IL1RAP: variants seen among roughly 807,000 people sequenced by gnomAD.
The protein encoded by IL1RAP is interleukin 1 receptor accessory protein, also known as interleukin-1 receptor accessory protein.
In IL1RAP, 35 loss-of-function variants were observed where a neutral mutation model predicts 60.7. The observed-to-expected ratio is 0.58, with a 90% CI of 0.44 to 0.76. The LOEUF is 0.76. Among genes scored for constraint, IL1RAP ranks in the 30% least tolerant of loss-of-function variants. IL1RAP has a pLI of 0.00. For missense variants in IL1RAP, 572 were observed against 693.9 expected, an observed-to-expected ratio of 0.82 and a Z score of 1.97; for synonymous variants, 268 against 250.9, an observed-to-expected ratio of 1.07 and a Z score of -0.64.
intron 1 of IL1RAP, among the ~76,000 whole-genome samples, chr3:190,532,302 G>A (rs1262004950): frequency 1.5e-5 from 2 of 134,664 alleles, no homozygotes; most frequent in Non-Finnish European, 3.1e-5. Flanking sequence ...TTGCTCTGTC[G>A]CCCAGGCTGG....
At position 190,572,926 on chromosome 3, in the gene IL1RAP, G is replaced by T. The variant is rs1403632343; in HGVS notation, c.64+8573G>T. ...TCGCCCAGGCTGGAGTGCAGTGGCG[G>T]GATCTCGGCTCACTGCAAGCTCCGC... On this transcript the variant is annotated intron_variant, in intron 3 of 11. Coordinates refer to ENST00000447382, the MANE Select transcript of IL1RAP (RefSeq NM_002182.4). Among the ~76,000 whole-genome samples the T allele has an allele frequency of 4.1e-4, 18 of 43,822 alleles. 4 individuals are homozygous for T. The highest frequency in any genetic ancestry group is 7.5e-4 in the Non-Finnish European group (15 of 20,120). 28.7% of individuals were successfully genotyped at this position (43,822 alleles called of 152,430 possible). A position where few individuals can be genotyped will look rare whatever the true frequency, so the allele number is the denominator to read the frequency against.
intron 2 of IL1RAP, among the ~76,000 whole-genome samples, chr3:190,556,802 A>G (rs991807125): frequency 1.3e-5 from 2 of 152,324 alleles, no homozygotes; most frequent in African/African-American, 4.8e-5. Flanking sequence ...CTACTACTCC[A>G]TAGTTCCTCA....
intron 3 of IL1RAP, among the ~76,000 whole-genome samples, chr3:190,598,944 G>A (rs1036137477): frequency 4.6e-5 from 7 of 152,076 alleles, no homozygotes; most frequent in African/African-American, 1.7e-4. Context: ...GTTATTAACT[G>A]CATTGCTTTT....
At chr3:190,627,476 A>ATACC (rs748001360) in intron 8 of IL1RAP, 27 bp downstream of exon 8, 15 of 1,599,132 alleles carry the variant, frequency 9.4e-6, no homozygotes, top group Admixed American at 1.8e-5. Context: ...CAAGGGAGTG[A>ATACC]TTAACCTTTG....
chr3:190,638,442 T>G (rs1560236692), intron 9 of IL1RAP, among the ~76,000 whole-genome samples: 1 of 152,326 alleles, frequency 6.6e-6, no homozygotes, highest in South Asian at 2.1e-4. Context: ...AACATTTTGT[T>G]CATTTTATAA....
chr3:190,578,141 T>C (rs1158965673), intron 3 of IL1RAP, among the ~76,000 whole-genome samples: 1 of 152,174 alleles, frequency 6.6e-6, no homozygotes, highest in East Asian at 1.9e-4. Flanking sequence ...AATATTCCCA[T>C]GTTACTAACC....
chr3:190,562,357 T>G (rs1725963558), intron 2 of IL1RAP, among the ~76,000 whole-genome samples: 1 of 152,068 alleles, frequency 6.6e-6, no homozygotes, highest in Admixed American at 6.6e-5. Flanking sequence ...ACTTTTTACT[T>G]CATATTGCAG....
chr3:190,621,579 A>G (rs1050164037), intron 6 of IL1RAP, among the ~76,000 whole-genome samples: 17 of 152,242 alleles, frequency 1.1e-4, no homozygotes, highest in Admixed American at 7.9e-4. Flanking sequence ...AGATTTAAAA[A>G]TTCACAGACA....
Position 190,515,577 on chromosome 3 carries a change from G to A in IL1RAP, c.-89+1358G>A, listed in dbSNP as rs769615646. Among the ~76,000 whole-genome samples, 22 of 151,848 alleles carry A rather than the reference G, an allele frequency of 1.4e-4. 1 individual carries two copies. Among genetic ancestry groups the A allele is most frequent in the Non-Finnish European group, 2.8e-4 (19 of 67,956 alleles). ...GATGTGGATCATGGATGCTTAGCTCGAAATGTAAAATTGATGTTTCTCGGT... is the reference window on the plus strand; with the variant it reads ...GATGTGGATCATGGATGCTTAGCTCAAAATGTAAAATTGATGTTTCTCGGT... On this transcript the variant is annotated intron_variant, in intron 1 of 11. Transcript: ENST00000447382.
intron 3 of IL1RAP, among the ~76,000 whole-genome samples, chr3:190,589,341 C>A (rs1397845461): frequency 6.6e-6 from 1 of 152,124 alleles, no homozygotes; most frequent in Non-Finnish European, 1.5e-5. Context: ...TTCTCCAAAC[C>A]CCATTTCTCA....
Position 190,649,452 on chromosome 3 carries a change from G to T in IL1RAP, c.*747G>T. 3.0e-6 allele frequency: 3 copies of T among 985,168 alleles called. No homozygotes were observed. Among genetic ancestry groups the T allele is most frequent in the Non-Finnish European group, 3.6e-6 (3 of 829,470 alleles). The allele number at this position is 985,168 out of a possible 1,614,324, so 61.0% of individuals were successfully genotyped here. A position where few individuals can be genotyped will look rare whatever the true frequency, so the allele number is the denominator to read the frequency against. On this transcript the variant is annotated 3_prime_UTR_variant, in exon 12 of 12. Coordinates refer to ENST00000447382, the MANE Select transcript of IL1RAP (RefSeq NM_002182.4). ...TTCCTTCTCCCTATCTGCTTATATCGCATTGCTCATTTAGAGTTTGCAGGA... is the reference window on the plus strand; with the variant it reads ...TTCCTTCTCCCTATCTGCTTATATCTCATTGCTCATTTAGAGTTTGCAGGA...
At chr3:190,653,980 C>G (rs764024424), downstream of IL1RAP, among the ~76,000 whole-genome samples, 10 of 152,106 alleles carry the variant, frequency 6.6e-5, no homozygotes, top group Non-Finnish European at 1.5e-4. Flanking sequence ...AATTCCGCCA[C>G]TCTTACCTGC....
chr3:190,634,733 T>TTTTTTG (rs1733075242), intron 9 of IL1RAP, among the ~76,000 whole-genome samples: 1 of 148,388 alleles, frequency 6.7e-6, no homozygotes, highest in African/African-American at 2.6e-5. Flanking sequence ...TTGTTTTTTT[T>TTTTTTG]GAGAAGGAGT....
chr3:190,648,804 A>G lies in IL1RAP; in HGVS notation c.*99A>G. 1.4e-6 allele frequency: 2 copies of G among 1,478,606 alleles called. No homozygotes were observed. Among genetic ancestry groups the G allele is most frequent in the Admixed American group, 5.3e-5 (2 of 37,814 alleles). The allele number at this position is 1,478,606 out of a possible 1,614,324, so 91.6% of individuals were successfully genotyped here. On this transcript the variant is annotated 3_prime_UTR_variant, in exon 12 of 12. Coordinates refer to ENST00000447382, the MANE Select transcript of IL1RAP (RefSeq NM_002182.4). The stretch of plus-strand genomic sequence containing the variant: ...GTTTATGGTTTCATAGGCAAAAATA[A>G]TGGTCTAAGCCTCCCAATAGGGATA...
rs1021054281 is a variant in IL1RAP at position 190,555,260 on chromosome 3, A to G, written c.-88-870A>G. On this transcript the variant is annotated intron_variant, in intron 1 of 11. Coordinates refer to ENST00000447382, the MANE Select transcript of IL1RAP (RefSeq NM_002182.4). ...CACCTAATTCCCTACTTGAACTTCA[A>G]ATGGCGTCACATTGCCCAAGTGATG... is the stretch of plus-strand genomic sequence containing the variant. Among the ~76,000 whole-genome samples, 53 of 151,846 alleles carry G rather than the reference A, an allele frequency of 3.5e-4. 1 individual carries two copies. Among genetic ancestry groups the G allele is most frequent in the Non-Finnish European group, 1.5e-5 (1 of 67,984 alleles).
chr3:190,607,626 G>A (rs1464470427), intron 4 of IL1RAP, among the ~76,000 whole-genome samples: 1 of 152,186 alleles, frequency 6.6e-6, no homozygotes, highest in African/African-American at 2.4e-5. Flanking sequence ...CATGTGAAAT[G>A]GAGGGGGTGG....
intron 5 of IL1RAP, among the ~76,000 whole-genome samples, chr3:190,613,996 T>G (rs552684780): frequency 1.3e-5 from 2 of 152,180 alleles, no homozygotes; most frequent in South Asian, 4.2e-4. Flanking sequence ...AGGTTCTTGG[T>G]CACTGCATCC....
At chr3:190,603,124 G>A (rs1730003207) in intron 3 of IL1RAP, among the ~76,000 whole-genome samples, 1 of 152,104 alleles carries the variant, frequency 6.6e-6, no homozygotes, top group African/African-American at 2.4e-5. Context: ...CAGATTGGAG[G>A]GGTGGTAAGA....
chr3:190,646,345 G>A (rs1002065664), intron 11 of IL1RAP, among the ~76,000 whole-genome samples: 2 of 152,192 alleles, frequency 1.3e-5, no homozygotes, highest in South Asian at 4.1e-4. Flanking sequence ...GTATTTTCCT[G>A]TGGCATTTGC....
Sources: allele counts gnomAD v4.1 joint callset (sites outside exome capture counted in the v4.1 genomes callset), GRCh38; gene constraint gnomAD v4.1.1; transcripts MANE v1.5; gene names NCBI Gene and HGNC (gene_info 2026-07-23, HGNC 2026-07-21).